The following ZNF695 variants were observed in gnomAD, a reference collection of about 807,000 sequenced individuals.
The protein encoded by ZNF695 is zinc finger protein 695.
Under a neutral mutation model 11.2 loss-of-function variants are expected in ZNF695, and 11 were observed. The observed-to-expected ratio is 0.98, with a 90% confidence interval of 0.62 to 1.62. The LOEUF is 1.62. Among genes scored for constraint, ZNF695 ranks in the 40% most tolerant of loss-of-function variants. ZNF695 has a pLI of 0.00. For synonymous variants in ZNF695, 190 were observed against 201.4 expected, an observed-to-expected ratio of 0.94 and a Z score of 0.48; for missense variants, 559 against 590.5, an observed-to-expected ratio of 0.95 and a Z score of 0.55.
At chr1:246,948,428 G>T (rs759188757) in intron 5 of ZNF695, among the ~76,000 whole-genome samples, 24 of 151,928 alleles carry the variant, frequency 1.6e-4, no homozygotes, top group Non-Finnish European at 3.1e-4. Context: ...CAAACTGTCT[G>T]TACGAGGCTG....
At chr1:246,966,542 T>C (rs1029920202) in intron 5 of ZNF695, among the ~76,000 whole-genome samples, 2 of 152,008 alleles carry the variant, frequency 1.3e-5, no homozygotes, top group African/African-American at 4.8e-5. Context: ...CCCAGCACTT[T>C]GGGAGGCTGA....
intron 3 of ZNF695, chr1:246,996,269 C>A: frequency 3.7e-6 from 1 of 272,290 alleles, no homozygotes; most frequent in Non-Finnish European, 7.2e-6. Context: ...GATGGGAGAT[C>A]ACTTGAATCT....
chr1:246,994,457 C>T (rs1669134315), intron 3 of ZNF695, among the ~76,000 whole-genome samples: 2 of 152,110 alleles, frequency 1.3e-5, no homozygotes, highest in African/African-American at 4.8e-5. Flanking sequence ...AGGAGAATCG[C>T]TTGAGCCTGG....
intron 3 of ZNF695, among the ~76,000 whole-genome samples, chr1:246,990,626 G>C (rs1182614435): frequency 1.3e-5 from 2 of 152,194 alleles, no homozygotes; most frequent in African/African-American, 4.8e-5. Flanking sequence ...CTAATAGATA[G>C]TTGCAGAACG....
In ZNF695 at chr1:246,997,861, T is replaced by G. The variant is rs1237342861; in HGVS notation, c.259+1487A>C. Reference sequence around the variant, plus strand: ...GAGCAATCTTAAAAGGTTGGACTCCTAGAAGCAGAAGACACACGTGATTGC... The same window carrying G: ...GAGCAATCTTAAAAGGTTGGACTCCGAGAAGCAGAAGACACACGTGATTGC... On this transcript the variant is annotated intron_variant, in intron 3 of 3. Coordinates refer to ENST00000339986, the MANE Select transcript of ZNF695 (RefSeq NM_020394.5). Among the ~76,000 whole-genome samples, 4 of 152,196 alleles carry G rather than the reference T, an allele frequency of 2.6e-5. No homozygotes were observed. The East Asian group carries it at 7.7e-4, about 29-fold the overall frequency.
intron 4 of ZNF695, among the ~76,000 whole-genome samples, chr1:246,974,167 AAAAC>A (rs1309250677): frequency 1.3e-5 from 2 of 151,806 alleles, no homozygotes; most frequent in Non-Finnish European, 2.9e-5. Flanking sequence ...CAAACAAAAA[AAAAC>A]AAACAAAAAA....
At chr1:246,989,455 A>G (rs552876669) in intron 3 of ZNF695, among the ~76,000 whole-genome samples, 1 of 152,288 alleles carries the variant, frequency 6.6e-6, no homozygotes, top group Admixed American at 6.5e-5. Context: ...GTTAAAATAC[A>G]TCAAACCAAA....
chr1:247,004,185 T>G (rs984385722), intron 1 of ZNF695, among the ~76,000 whole-genome samples: 1 of 152,140 alleles, frequency 6.6e-6, no homozygotes, highest in Non-Finnish European at 1.5e-5. Context: ...CACTCCAGCC[T>G]GGGCGAGAGA....
At chr1:246,995,611 C>T (rs988447033) in intron 3 of ZNF695, among the ~76,000 whole-genome samples, 2 of 151,866 alleles carry the variant, frequency 1.3e-5, no homozygotes, top group African/African-American at 4.8e-5. Flanking sequence ...GGGTGGATCA[C>T]CTGAGGTTAT....
At chr1:247,006,665 G>A (rs1400661108) in intron 1 of ZNF695, among the ~76,000 whole-genome samples, 1 of 152,196 alleles carries the variant, frequency 6.6e-6, no homozygotes, top group African/African-American at 2.4e-5. Flanking sequence ...ATAATGTTGT[G>A]TTTGGAGAGA....
chr1:246,979,376 T>A (rs901174401), intron 4 of ZNF695, among the ~76,000 whole-genome samples: 5 of 152,072 alleles, frequency 3.3e-5, no homozygotes, highest in African/African-American at 1.2e-4. Flanking sequence ...TTCTCCTGAT[T>A]CCGTTTGTCA....
At chr1:246,995,718 GGCAGGAGAATGACCTGAACCCGGGAC>G (rs1376775006) in intron 3 of ZNF695, among the ~76,000 whole-genome samples, 3 of 150,708 alleles carry the variant, frequency 2.0e-5, no homozygotes, top group African/African-American at 7.4e-5. Context: ...AGGAGGCTGA[GGCAGGAGAATGACCTGAACCCGGGAC>G]GCAGTTTGCA....
At chr1:246,998,714 T>C (rs1669275579) in intron 3 of ZNF695, among the ~76,000 whole-genome samples, 1 of 152,178 alleles carries the variant, frequency 6.6e-6, no homozygotes, top group African/African-American at 2.4e-5. Context: ...ACGCCTGTAA[T>C]CCCGGCACTT....
chr1:247,007,846 T>C, intron 1 of ZNF695, 60 bp downstream of exon 1: 1 of 1,498,434 alleles, frequency 6.7e-7, no homozygotes, highest in South Asian at 1.3e-5. Context: ...TTCCAGCCAA[T>C]TCCAACCGAT....
At position 247,008,000 on chromosome 1, in the gene ZNF695, A is replaced by G; in HGVS notation, c.-92T>C. On this transcript the variant is annotated 5_prime_UTR_variant, in exon 1 of 4. Coordinates refer to ENST00000339986, the MANE Select transcript of ZNF695 (RefSeq NM_020394.5). ...ATGGAGCCTGCGGCAGTCACCCGGG[A>G]CTCTCCGAGAGGCAGCAGACGGGAA... 7.4e-7 allele frequency: 1 copy of G among 1,355,862 alleles called. No individual in the cohort carries two copies. The highest frequency in any genetic ancestry group is 9.7e-7 in the Non-Finnish European group (1 of 1,033,248). The allele number at this position is 1,355,862 out of a possible 1,614,324, so 84.0% of individuals were successfully genotyped here. A position where few individuals can be genotyped will look rare whatever the true frequency, so the allele number is the denominator to read the frequency against.
chr1:246,984,279 TTAAAAAAAAAA>T (rs1211957287), downstream of ZNF695, among the ~76,000 whole-genome samples: 2 of 125,510 alleles, frequency 1.6e-5, no homozygotes, highest in East Asian at 2.5e-4. Context: ...AACACAGGTT[TTAAAAAAAAAA>T]AAAAAAAAAA....
intron 5 of ZNF695, among the ~76,000 whole-genome samples, chr1:246,958,246 G>C (rs1050627430): frequency 6.6e-6 from 1 of 151,998 alleles, no homozygotes; most frequent in Non-Finnish European, 1.5e-5. Flanking sequence ...TTTTAGTAGA[G>C]ACAGGGTTTC....
intron 5 of ZNF695, among the ~76,000 whole-genome samples, chr1:246,965,314 G>A (rs1445173882): frequency 4.9e-5 from 7 of 143,992 alleles, no homozygotes; most frequent in African/African-American, 1.3e-4. Flanking sequence ...CCGAGATAGC[G>A]CCACTGCACT....
At chr1:246,977,320 G>A (rs1228213937) in intron 4 of ZNF695, among the ~76,000 whole-genome samples, 5 of 152,322 alleles carry the variant, frequency 3.3e-5, no homozygotes, top group Non-Finnish European at 7.4e-5. Context: ...GCAGTGGTGT[G>A]ATCTTGGCTC....
Sources: gnomAD v4.1 joint callset for allele counts (sites outside exome capture counted in the v4.1 genomes callset) on GRCh38, gnomAD v4.1.1 for gene constraint, MANE v1.5 for transcripts, NCBI Gene and HGNC (gene_info 2026-07-23, HGNC 2026-07-21) for gene names.